Variants in RASGRF2 observed in about 807,000 individuals in gnomAD.
RASGRF2 encodes the protein Ras protein specific guanine nucleotide releasing factor 2, also known as ras-specific guanine nucleotide-releasing factor 2.
A neutral mutation model predicts 151.0 loss-of-function variants in RASGRF2; 76 were observed. That is an observed-to-expected ratio of 0.50 (90% CI 0.42 to 0.61). The LOEUF (loss-of-function observed/expected upper bound fraction) is 0.61, where lower values mean the gene tolerates loss of function less well. RASGRF2 is among the 20% of genes least tolerant of loss of function. The pLI is 0.00. For missense variants in RASGRF2, 1,148 were observed against 1,564.6 expected (o/e 0.73, Z 4.49); for synonymous variants, 504 against 566.5 (o/e 0.89, Z 1.57).
At chr5:81,203,561 T>C (rs749065146) in intron 19 of RASGRF2, among the ~76,000 whole-genome samples, 8 of 152,222 alleles carry the variant, frequency 5.3e-5, no homozygotes, top group Non-Finnish European at 1.0e-4. Context: ...CAGTGTAAGA[T>C]TGATAGGGAA....
At chr5:80,969,740 T>A (rs111302975) in intron 1 of RASGRF2, among the ~76,000 whole-genome samples, 83 of 148,050 alleles carry the variant, frequency 5.6e-4, no homozygotes, top group African/African-American at 2.0e-3. Flanking sequence ...CGTGAGCCAC[T>A]GCGCCTGGCT....
chr5:81,200,236 A>G (rs1339113974), intron 18 of RASGRF2, among the ~76,000 whole-genome samples: 4 of 151,374 alleles, frequency 2.6e-5, no homozygotes, highest in African/African-American at 9.7e-5. Context: ...ACACCACTGC[A>G]CTCCAGCCTG....
At chr5:81,092,997 A>G (rs768590972) in intron 10 of RASGRF2, 36 bp downstream of exon 10, 2 of 1,533,678 alleles carry the variant, frequency 1.3e-6, no homozygotes, top group Non-Finnish European at 1.8e-6. Context: ...TTTATCTTCC[A>G]AGCACTTACA....
At chr5:81,114,067 G>A (rs1333672985) in intron 15 of RASGRF2, 147 bp downstream of exon 15, 2 of 1,134,508 alleles carry the variant, frequency 1.8e-6, no homozygotes, top group Non-Finnish European at 1.2e-6. Flanking sequence ...TTAGTTAGAA[G>A]AGAAAATTCC....
At chr5:81,137,559 A>T (rs568684694) in intron 17 of RASGRF2, among the ~76,000 whole-genome samples, 3 of 152,298 alleles carry the variant, frequency 2.0e-5, no homozygotes, top group African/African-American at 7.2e-5. Context: ...CTAGAATATG[A>T]CTGTAGTTGA....
chr5:81,206,192 CTCAT>C (rs1337281933), intron 19 of RASGRF2, among the ~76,000 whole-genome samples: 1 of 152,092 alleles, frequency 6.6e-6, no homozygotes, highest in African/African-American at 2.4e-5. Flanking sequence ...TATTCATTCA[CTCAT>C]TCATTCATTC....
Position 81,206,615 on chromosome 5 carries a change from C to G in RASGRF2, c.2907-230C>G, listed in dbSNP as rs377119148. The stretch of plus-strand genomic sequence containing the variant: ...GTTTCATTTACAACCTTGTATGTAA[C>G]AGGTTGCCTTTTTGTTCTAAATCAG... On this transcript the variant is annotated intron_variant, in intron 19 of 26. Coordinates refer to ENST00000265080, the MANE Select transcript of RASGRF2 (RefSeq NM_006909.3). Among the ~76,000 whole-genome samples the G allele has an allele frequency of 1.1e-3, 170 of 152,304 alleles. 4 individuals carry two copies. The South Asian group carries it at 0.021, about 19-fold the overall frequency.
intron 17 of RASGRF2, among the ~76,000 whole-genome samples, chr5:81,154,320 A>G (rs1754207827): frequency 6.6e-6 from 1 of 152,142 alleles, no homozygotes; most frequent in Admixed American, 6.5e-5. Flanking sequence ...GTGTGATCAT[A>G]GCTCACTGTA....
At chr5:81,177,865 G>A (rs1754811436) in intron 17 of RASGRF2, among the ~76,000 whole-genome samples, 1 of 152,146 alleles carries the variant, frequency 6.6e-6, no homozygotes, top group Non-Finnish European at 1.5e-5. Flanking sequence ...AGGCCCTGGG[G>A]TAAGGATGAA....
intron 1 of RASGRF2, among the ~76,000 whole-genome samples, chr5:80,983,548 C>T (rs1395554980): frequency 6.6e-6 from 1 of 152,260 alleles, no homozygotes; most frequent in Non-Finnish European, 1.5e-5. Context: ...TAAGTACCTA[C>T]AGAATATCTT....
At chr5:81,079,810 A>G (rs1472746816) in intron 5 of RASGRF2, among the ~76,000 whole-genome samples, 1 of 152,118 alleles carries the variant, frequency 6.6e-6, no homozygotes, top group African/African-American at 2.4e-5. Context: ...TCATAACTTT[A>G]ATTTTCTGAT....
chr5:81,187,835 C>T lies in RASGRF2; in HGVS notation c.2793+7554C>T, dbSNP rs555281145. Among the ~76,000 whole-genome samples, 16 of 152,306 alleles carry T rather than the reference C, an allele frequency of 1.1e-4. No individual in the cohort carries two copies. The South Asian group carries it at 3.3e-3, about 32-fold the overall frequency. On this transcript the variant is annotated intron_variant, in intron 18 of 26. Coordinates refer to ENST00000265080, the MANE Select transcript of RASGRF2 (RefSeq NM_006909.3). ...TTCCGTTTCTTATTTTGACAGATGACAGGGGCGGCTTCTAAATTTTTTTGT... is the reference window on the plus strand; with the variant it reads ...TTCCGTTTCTTATTTTGACAGATGATAGGGGCGGCTTCTAAATTTTTTTGT...
chr5:81,069,589 C>CA (rs1751712988), intron 3 of RASGRF2, among the ~76,000 whole-genome samples: 1 of 152,112 alleles, frequency 6.6e-6, no homozygotes, highest in African/African-American at 2.4e-5. Flanking sequence ...TAGATTGCAG[C>CA]AAAAAACTGT....
intron 5 of RASGRF2, among the ~76,000 whole-genome samples, chr5:81,079,758 T>C (rs1752034065): frequency 6.6e-6 from 1 of 152,196 alleles, no homozygotes; most frequent in South Asian, 2.1e-4. Flanking sequence ...AGAGAAACTT[T>C]CTCCTGAGTT....
chr5:81,022,183 G>A (rs1017075570), intron 1 of RASGRF2, among the ~76,000 whole-genome samples: 4 of 152,184 alleles, frequency 2.6e-5, no homozygotes, highest in Non-Finnish European at 5.9e-5. Context: ...AAGTGCACCA[G>A]TGCACAGGTC....
In RASGRF2 at chr5:80,960,610, C is replaced by A; in HGVS notation, c.-129C>A. 2.2e-6 allele frequency: 2 copies of A among 924,794 alleles called. No individual in the cohort carries two copies. Among genetic ancestry groups the A allele is most frequent in the East Asian group, 3.4e-5 (1 of 29,688 alleles). 57.3% of individuals were successfully genotyped at this position (924,794 alleles called of 1,614,324 possible). On this transcript the variant is annotated 5_prime_UTR_variant, in exon 1 of 27. Coordinates refer to ENST00000265080, the MANE Select transcript of RASGRF2 (RefSeq NM_006909.3). This position sits in a 1 kb window ranked among gnomAD's most constrained non-coding sequence, Gnocchi z 5.5. ...AGCGGGCGGGGTGCCCTGCGCGCGG[C>A]GTGGGGAAAGGGGGCGCCCTTCGCC...
intron 17 of RASGRF2, among the ~76,000 whole-genome samples, chr5:81,179,162 A>G (rs970172242): frequency 3.3e-5 from 5 of 152,254 alleles, no homozygotes; most frequent in Admixed American, 6.5e-5. Flanking sequence ...GTGGAAAAAT[A>G]TTAAAATGGT....
Position 81,113,803 on chromosome 5 carries a change from C to A in RASGRF2, c.2353C>A (p.Pro785Thr). The change falls in exon 15 of 27, where the codon CCA becomes ACA. Residue 785 changes from proline (P) to threonine (T), a missense_variant. Transcript: ENST00000265080. ...ASPPPHTGQI[P>T]LDLSRGLSSP... ...TCCACCACCACACACTGGTCAGATA[C>A]CACTGGATCTCAGCAGAGGCCTCTC... 1 of 1,614,226 alleles carries A rather than the reference C, an allele frequency of 6.2e-7. No homozygotes were observed. Among genetic ancestry groups the A allele is most frequent in the South Asian group, 1.1e-5 (1 of 91,090 alleles).
intron 7 of RASGRF2, among the ~76,000 whole-genome samples, chr5:81,083,989 C>T (rs1752157520): frequency 6.6e-6 from 1 of 152,182 alleles, no homozygotes; most frequent in Non-Finnish European, 1.5e-5. Context: ...TACAGATGAG[C>T]CCTTTGGAGA....
Sources: allele counts gnomAD v4.1 joint callset (sites outside exome capture counted in the v4.1 genomes callset), GRCh38; gene constraint gnomAD v4.1.1; non-coding constraint Gnocchi (gnomAD v3.1); transcripts MANE v1.5; gene names NCBI Gene and HGNC (gene_info 2026-07-23, HGNC 2026-07-21).